LIPC: variants seen among roughly 807,000 people sequenced by gnomAD.
LIPC encodes the protein lipase C, hepatic type.
LIPC carries 44 observed loss-of-function variants against 50.7 expected under a neutral mutation model. That is an observed-to-expected ratio of 0.87 (90% CI 0.68 to 1.11). The LOEUF (loss-of-function observed/expected upper bound fraction) is 1.11. LIPC is among the 50% of genes most tolerant of loss of function. The pLI is 0.00. For missense variants in LIPC, 697 were observed against 648.2 expected, an observed-to-expected ratio of 1.08 and a Z score of -0.82; for synonymous variants, 271 against 256.4, an observed-to-expected ratio of 1.06 and a Z score of -0.54.
chr15:58,441,099 G>A (rs1247672524), intron 1 of LIPC, among the ~76,000 whole-genome samples: 3 of 152,188 alleles, frequency 2.0e-5, no homozygotes, highest in Non-Finnish European at 4.4e-5. Context: ...TAGAGAACAA[G>A]GTTCCCAGCA....
At position 58,532,102 on chromosome 15, in the gene LIPC, A is replaced by G. The variant is rs565358971; in HGVS notation, c.89-6231A>G. On this transcript the variant is annotated intron_variant, in intron 1 of 8. Transcript: ENST00000299022. Reference sequence around the variant, plus strand: ...TTGAGACACAGAATTACTTTCAAGAAAAAAGTAAATGGGAGGGTCAGGTGT... The same window carrying G: ...TTGAGACACAGAATTACTTTCAAGAGAAAAGTAAATGGGAGGGTCAGGTGT... Among the ~76,000 whole-genome samples, 179 of 152,304 alleles carry G rather than the reference A, an allele frequency of 1.2e-3. 4 individuals carry two copies. The South Asian group carries it at 0.032, about 27-fold the overall frequency.
At chr15:58,526,383 G>A (rs769415130) in intron 1 of LIPC, among the ~76,000 whole-genome samples, 12 of 152,160 alleles carry the variant, frequency 7.9e-5, no homozygotes, top group Non-Finnish European at 1.0e-4. Context: ...TTGGCTCCTC[G>A]AGGTGCCTGA....
chr15:58,508,749 C>T (rs1298528552), intron 1 of LIPC, among the ~76,000 whole-genome samples: 6 of 152,138 alleles, frequency 3.9e-5, no homozygotes, highest in African/African-American at 9.7e-5. Context: ...CCTTTTCCTC[C>T]GCATTCACAT....
At chr15:58,437,559 C>A (rs1310891814) in intron 1 of LIPC, among the ~76,000 whole-genome samples, 1 of 152,056 alleles carries the variant, frequency 6.6e-6, no homozygotes, top group Non-Finnish European at 1.5e-5. Flanking sequence ...TAAAAAGGCC[C>A]TGATCAGCTA....
intron 1 of LIPC, among the ~76,000 whole-genome samples, chr15:58,512,193 G>A (rs750884634): frequency 7.9e-5 from 12 of 151,640 alleles, no homozygotes; most frequent in Non-Finnish European, 1.5e-4. Flanking sequence ...CCTTCTCCCA[G>A]GTTCAAGCGA....
chr15:58,566,197 C>T (rs868526486), intron 8 of LIPC: 105 of 985,310 alleles, frequency 1.1e-4, no homozygotes, highest in Middle Eastern at 5.2e-4. Context: ...CAGCATTACA[C>T]AACCCGGGAA....
intron 1 of LIPC, chr15:58,494,757 A>C (rs969181952): frequency 2.2e-6 from 1 of 456,230 alleles, no homozygotes; most frequent in Non-Finnish European, 4.4e-6. Flanking sequence ...AAACTGATTT[A>C]TAGTTAGCTT....
At chr15:58,523,546 G>GT (rs71116570) in intron 1 of LIPC, among the ~76,000 whole-genome samples, 19,396 of 152,070 alleles carry the variant, frequency 0.13, 1,300 homozygotes, top group African/African-American at 0.16. Context: ...GGCTGCAGGG[G>GT]TAGGTGAACA....
rs770595104 is a variant in LIPC at position 58,563,739 on chromosome 15, A to G, written c.1388+16A>G. The G allele has an allele frequency of 3.7e-6, 6 of 1,605,036 alleles. No homozygotes were observed. The African/African-American group carries it at 6.7e-5, about 18-fold the overall frequency. Reference sequence around the variant, plus strand: ...CCCAGCAAAGGTGACTGCTGATTCAATCTCCTATTAACGTCCATTAAGCAC... The same window carrying G: ...CCCAGCAAAGGTGACTGCTGATTCAGTCTCCTATTAACGTCCATTAAGCAC... On this transcript the variant is annotated intron_variant, in intron 8 of 8. Coordinates refer to ENST00000299022, the MANE Select transcript of LIPC (RefSeq NM_000236.3).
Position 58,569,288 on chromosome 15 carries a change from C to T in LIPC, c.*461C>T, listed in dbSNP as rs1447471240. ...TATACCAAATACACATCCTTTAAGA[C>T]AATACAGTTCTTAAAAGAAGAAAAA... On this transcript the variant is annotated 3_prime_UTR_variant, in exon 9 of 9. Coordinates refer to ENST00000299022, the MANE Select transcript of LIPC (RefSeq NM_000236.3). The T allele has an allele frequency of 2.0e-5, 3 of 152,264 alleles. No individual in the cohort carries two copies. The highest frequency in any genetic ancestry group is 7.3e-5 in the African/African-American group (3 of 41,376). The allele number at this position is 152,264 out of a possible 1,614,324, so 9.4% of individuals were successfully genotyped here. A position where few individuals can be genotyped will look rare whatever the true frequency, so the allele number is the denominator to read the frequency against.
At chr15:58,486,130 A>T (rs569027478) in intron 1 of LIPC, among the ~76,000 whole-genome samples, 1 of 152,148 alleles carries the variant, frequency 6.6e-6, no homozygotes, top group Non-Finnish European at 1.5e-5. Context: ...CCACTCCTTG[A>T]CATGGACGGC....
intron 1 of LIPC, among the ~76,000 whole-genome samples, chr15:58,535,910 A>G (rs1893101513): frequency 6.6e-6 from 1 of 152,238 alleles, no homozygotes; most frequent in Non-Finnish European, 1.5e-5. Flanking sequence ...ATTAGGTCCA[A>G]TGTATAAATG....
chr15:58,443,127 G>T (rs146079723), intron 1 of LIPC, among the ~76,000 whole-genome samples: 1 of 152,104 alleles, frequency 6.6e-6, no homozygotes, highest in African/African-American at 2.4e-5. Context: ...TGGCCAGGCT[G>T]GTCTTGAACT....
At chr15:58,476,792 G>C (rs1200269034) in intron 1 of LIPC, among the ~76,000 whole-genome samples, 1 of 152,222 alleles carries the variant, frequency 6.6e-6, no homozygotes, top group Non-Finnish European at 1.5e-5. Flanking sequence ...TTCCTCACAA[G>C]GCTGTGGTCA....
chr15:58,468,278 G>C lies in LIPC; in HGVS notation c.88+36158G>C, dbSNP rs534903919. Among the ~76,000 whole-genome samples the C allele has an allele frequency of 2.4e-4, 36 of 152,238 alleles. No homozygotes were observed. The South Asian group carries it at 6.7e-3, about 28-fold the overall frequency. ...CCTTGCTCTCTCTGCTTCCCCAGCA[G>C]CGCCTCTCAGAGTGAACACCTATGT... On this transcript the variant is annotated intron_variant, in intron 1 of 8. Coordinates refer to ENST00000299022, the MANE Select transcript of LIPC (RefSeq NM_000236.3).
At chr15:58,520,311 T>C (rs1892616975) in intron 1 of LIPC, among the ~76,000 whole-genome samples, 1 of 152,156 alleles carries the variant, frequency 6.6e-6, no homozygotes, top group East Asian at 1.9e-4. Flanking sequence ...TTCTGTGTCC[T>C]CTGCCATCTC....
At position 58,486,983 on chromosome 15, in the gene LIPC, C is replaced by T. The variant is rs1289970895; in HGVS notation, c.89-51350C>T. ...CCACAGTGGGTGTGAGGCGGGACAACGGGGGCACACTTCCCTCCTGCGTGT... is the reference window on the plus strand; with the variant it reads ...CCACAGTGGGTGTGAGGCGGGACAATGGGGGCACACTTCCCTCCTGCGTGT... On this transcript the variant is annotated intron_variant, in intron 1 of 8. Coordinates refer to ENST00000299022, the MANE Select transcript of LIPC (RefSeq NM_000236.3). Among the ~76,000 whole-genome samples the T allele has an allele frequency of 2.6e-5, 4 of 152,138 alleles. No individual in the cohort carries two copies. The East Asian group carries it at 5.8e-4, about 22-fold the overall frequency.
At chr15:58,463,411 C>T (rs1195617501) in intron 1 of LIPC, among the ~76,000 whole-genome samples, 1 of 152,186 alleles carries the variant, frequency 6.6e-6, no homozygotes, top group South Asian at 2.1e-4. Context: ...AGAAACTGCT[C>T]TGCTCTTTTA....
chr15:58,544,397 T>TTC (rs1290324725), intron 4 of LIPC, among the ~76,000 whole-genome samples: 4 of 141,362 alleles, frequency 2.8e-5, no homozygotes, highest in East Asian at 4.1e-4. Flanking sequence ...TTCTCTTTCT[T>TTC]TTTTTTTTTT....
Sources: gnomAD v4.1 joint callset for allele counts (sites outside exome capture counted in the v4.1 genomes callset) on GRCh38, gnomAD v4.1.1 for gene constraint, MANE v1.5 for transcripts, NCBI Gene and HGNC (gene_info 2026-07-23, HGNC 2026-07-21) for gene names.